The following GREB1 variants were observed in gnomAD, a reference collection of about 807,000 sequenced individuals.
GREB1 encodes growth regulating estrogen receptor binding 1, also known as protein GREB1.
GREB1 carries 106 observed loss-of-function variants against 200.7 expected under a neutral mutation model. The ratio of observed to expected loss-of-function variants is 0.53; its 90% confidence interval spans 0.45 to 0.62. The LOEUF (loss-of-function observed/expected upper bound fraction) is 0.62. Ranked by LOEUF, GREB1 falls within the 20% of genes least tolerant of loss-of-function variation. The probability of loss-of-function intolerance (pLI) is 0.00; values close to 1 mark genes in which losing one functional copy is unlikely to be tolerated. For missense variants in GREB1, 2,243 were observed against 2,556.8 expected (o/e 0.88, Z 2.65); for synonymous variants, 1,132 against 1,092.4 (o/e 1.04, Z -0.72).
chr2:11,576,636 C>G, intron 5 of GREB1, 101 bp downstream of exon 5: 6 of 842,844 alleles, frequency 7.1e-6, no homozygotes, highest in Non-Finnish European at 1.1e-5. Context: ...TGCATAGCAG[C>G]ACACATCACG....
intron 1 of GREB1, among the ~76,000 whole-genome samples, chr2:11,554,624 A>G (rs139680256): frequency 0.012 from 1,899 of 152,358 alleles, 20 homozygotes; most frequent in Middle Eastern, 0.031. Context: ...TTCTGTGGTC[A>G]TTTCAGTGCA....
At chr2:11,606,930 G>A (rs1216863477) in intron 17 of GREB1, among the ~76,000 whole-genome samples, 2 of 151,524 alleles carry the variant, frequency 1.3e-5, no homozygotes, top group Admixed American at 6.6e-5. Flanking sequence ...TTACAGGCAC[G>A]CACCACCACG....
chr2:11,598,005 C>A (rs780630884), intron 14 of GREB1, 27 bp downstream of exon 14: 2 of 1,554,790 alleles, frequency 1.3e-6, no homozygotes, highest in Non-Finnish European at 1.8e-6. Flanking sequence ...GGAGAAGTCA[C>A]GTGTGGAGAA....
At chr2:11,484,835 A>G (rs948255637) in intron 1 of GREB1, among the ~76,000 whole-genome samples, 9 of 152,140 alleles carry the variant, frequency 5.9e-5, no homozygotes, top group Non-Finnish European at 1.2e-4. Flanking sequence ...GATGGTTTAA[A>G]TAGTTTTTTT....
intron 4 of GREB1, among the ~76,000 whole-genome samples, chr2:11,573,983 A>G (rs1273634396): frequency 6.6e-6 from 1 of 152,214 alleles, no homozygotes; most frequent in Non-Finnish European, 1.5e-5. Context: ...TTTTAACACC[A>G]GGCTTAGAAG....
At chr2:11,569,278 C>T (rs10427206) in intron 4 of GREB1, among the ~76,000 whole-genome samples, 4,869 of 152,124 alleles carry the variant, frequency 0.032, 224 homozygotes, top group African/African-American at 0.1. Flanking sequence ...CATGCATTTA[C>T]GGAATATATA....
At chr2:11,639,489 G>A (rs867333320) in intron 32 of GREB1, among the ~76,000 whole-genome samples, 3 of 152,218 alleles carry the variant, frequency 2.0e-5, no homozygotes, top group African/African-American at 7.2e-5. Flanking sequence ...CCTGGGAGGT[G>A]CCACACCACC....
At chr2:11,496,377 G>T (rs1672887266) in intron 1 of GREB1, among the ~76,000 whole-genome samples, 1 of 152,174 alleles carries the variant, frequency 6.6e-6, no homozygotes, top group Admixed American at 6.5e-5. Flanking sequence ...TTACATGAGT[G>T]AAAAGGACTG....
intron 1 of GREB1, among the ~76,000 whole-genome samples, chr2:11,508,889 T>TA (rs1167952508): frequency 6.7e-6 from 1 of 148,324 alleles, no homozygotes; most frequent in Admixed American, 6.7e-5. Flanking sequence ...TTTTTTTTTT[T>TA]TTCGGGACAG....
chr2:11,609,857 C>T (rs1450057846), intron 17 of GREB1, among the ~76,000 whole-genome samples: 1 of 152,216 alleles, frequency 6.6e-6, no homozygotes. Context: ...GGTCGAGAAA[C>T]TACCTTACCT....
chr2:11,579,388 A>G (rs1177338208), intron 6 of GREB1, among the ~76,000 whole-genome samples: 1 of 152,208 alleles, frequency 6.6e-6, no homozygotes, highest in Non-Finnish European at 1.5e-5. Context: ...CCATTTCCTC[A>G]TCTGTAAAGT....
In GREB1 at chr2:11,637,790, A is replaced by G. The variant is rs1044568630; in HGVS notation, c.5421A>G (p.Ala1807=). 1.1e-5 allele frequency: 18 copies of G among 1,614,084 alleles called. No individual in the cohort carries two copies. The highest frequency in any genetic ancestry group is 8.9e-5 in the East Asian group (4 of 44,878). Residue 1807 remains alanine, a synonymous_variant, in exon 31 of 33, where the codon GCA becomes GCG. Transcript: ENST00000381486. The part of the protein sequence containing the change: ...CAPDSKHTFL[A]APAQLLLEKF... ...CGGACAGCAAGCACACGTTCCTCGC[A>G]GCGCCCGCCCAGCTCCTGCTGGAGA...
intron 1 of GREB1, among the ~76,000 whole-genome samples, chr2:11,499,764 T>C (rs1385480419): frequency 6.6e-6 from 1 of 152,238 alleles, no homozygotes; most frequent in Non-Finnish European, 1.5e-5. Context: ...CCTTTTAATG[T>C]AGATATGCAC....
At chr2:11,537,281 C>T (rs1674337248) in intron 1 of GREB1, among the ~76,000 whole-genome samples, 1 of 152,126 alleles carries the variant, frequency 6.6e-6, no homozygotes, top group South Asian at 2.1e-4. Context: ...CTTTCAGTCC[C>T]TTTTACACAT....
At chr2:11,503,781 G>A (rs1673108750) in intron 1 of GREB1, among the ~76,000 whole-genome samples, 1 of 152,180 alleles carries the variant, frequency 6.6e-6, no homozygotes, top group Non-Finnish European at 1.5e-5. Flanking sequence ...AGCAGAGCAA[G>A]ATAACCTTCC....
At chr2:11,596,544 G>A in intron 13 of GREB1, among the ~76,000 whole-genome samples, 1 of 72,570 alleles carries the variant, frequency 1.4e-5, no homozygotes, top group African/African-American at 6.8e-5. Context: ...AGGGGGTGGG[G>A]GCACAGGTGT....
chr2:11,586,286 G>T (rs1036674638), intron 9 of GREB1, among the ~76,000 whole-genome samples: 1 of 152,240 alleles, frequency 6.6e-6, no homozygotes, highest in African/African-American at 2.4e-5. Flanking sequence ...GGCTGCAGGA[G>T]CTCCGCTCTG....
intron 4 of GREB1, among the ~76,000 whole-genome samples, chr2:11,575,157 G>A (rs903496024): frequency 2.0e-5 from 3 of 152,186 alleles, no homozygotes; most frequent in Non-Finnish European, 4.4e-5. Context: ...TGGCCCTCAC[G>A]GCCTAAGGCA....
At chr2:11,539,345 C>T (rs1036855449) in intron 1 of GREB1, among the ~76,000 whole-genome samples, 2 of 152,132 alleles carry the variant, frequency 1.3e-5, no homozygotes, top group Non-Finnish European at 2.9e-5. Flanking sequence ...ACCATTGTGC[C>T]CAGCCAATAG....
Sources: allele counts gnomAD v4.1 joint callset (sites outside exome capture counted in the v4.1 genomes callset), GRCh38; gene constraint gnomAD v4.1.1; transcripts MANE v1.5; gene names NCBI Gene and HGNC (gene_info 2026-07-23, HGNC 2026-07-21).